Variants in ERI3 observed in about 807,000 individuals in gnomAD.
ERI3 encodes ERI1 exoribonuclease 3.
A neutral mutation model predicts 44.4 loss-of-function variants in ERI3; 18 were observed. That is an observed-to-expected ratio of 0.41 (90% CI 0.28 to 0.60). ERI3 has a LOEUF of 0.60. Ranked by LOEUF, ERI3 falls within the 20% of genes least tolerant of loss-of-function variation. ERI3 has a pLI of 0.36. For missense variants in ERI3, 294 were observed against 435.5 expected, an observed-to-expected ratio of 0.68 and a Z score of 2.89; for synonymous variants, 183 against 164.8, an observed-to-expected ratio of 1.11 and a Z score of -0.84.
chr1:44,275,758 C>T (rs1557810784), intron 7 of ERI3, among the ~76,000 whole-genome samples: 1 of 152,160 alleles, frequency 6.6e-6, no homozygotes, highest in African/African-American at 2.4e-5. Flanking sequence ...TGGCCCTTAT[C>T]CCTACAGCTG....
In ERI3 at chr1:44,339,339, TTA is replaced by T; in HGVS notation, c.212-19_212-18del. On this transcript the variant is annotated intron_variant, in intron 2 of 8. Transcript: ENST00000372257. The stretch of plus-strand genomic sequence containing the variant: ...CATCTAAAACTTAGGGGAGGAAAGT[TTA>T]AAAAAAAAAAAAAAAAAGAAAAGAA... 6.9e-6 allele frequency: 9 copies of T among 1,301,268 alleles called. No individual in the cohort carries two copies. The South Asian group carries it at 7.9e-5, about 11-fold the overall frequency. 80.6% of individuals were successfully genotyped at this position (1,301,268 alleles called of 1,614,324 possible).
chr1:44,351,017 A>G (rs1646879094), intron 2 of ERI3, among the ~76,000 whole-genome samples: 1 of 151,752 alleles, frequency 6.6e-6, no homozygotes, highest in African/African-American at 2.4e-5. Context: ...TCCATTTTTC[A>G]CAATGAAATC....
intron 6 of ERI3, among the ~76,000 whole-genome samples, chr1:44,305,701 C>T (rs1453750244): frequency 6.6e-6 from 1 of 152,104 alleles, no homozygotes; most frequent in East Asian, 1.9e-4. Flanking sequence ...TTTCTCAGTG[C>T]CCCACTTATC....
At position 44,355,241 on chromosome 1, in the gene ERI3, CCACAA is replaced by C. The variant is rs1299331628; in HGVS notation, c.-220_-216del. The C allele has an allele frequency of 8.5e-7, 1 of 1,176,762 alleles. No individual in the cohort carries two copies. Among genetic ancestry groups the C allele is most frequent in the East Asian group, 3.8e-5 (1 of 26,616 alleles). The allele number at this position is 1,176,762 out of a possible 1,614,324, so 72.9% of individuals were successfully genotyped here. A position where few individuals can be genotyped will look rare whatever the true frequency, so the allele number is the denominator to read the frequency against. Reference sequence around the variant, plus strand: ...AACAGCGGCAGCCAGCACCACGAGTCCACAACACACCGACTCACCTCCGCGCACTC... The same window carrying C: ...AACAGCGGCAGCCAGCACCACGAGTCCACACCGACTCACCTCCGCGCACTC... On this transcript the variant is annotated 5_prime_UTR_variant, in exon 1 of 9. Transcript: ENST00000372257.
rs1046902802 is a variant in ERI3 at position 44,355,140 on chromosome 1, G to C, written c.-114C>G. On this transcript the variant is annotated 5_prime_UTR_variant, in exon 1 of 9. Coordinates refer to ENST00000372257, the MANE Select transcript of ERI3 (RefSeq NM_024066.3). ...CAGTTGGCGGCGGCGGGCGCGGCCCGCGCCGACTGCGGCGCCGGCCAGGCA... is the reference window on the plus strand; with the variant it reads ...CAGTTGGCGGCGGCGGGCGCGGCCCCCGCCGACTGCGGCGCCGGCCAGGCA... 5.7e-6 allele frequency: 7 copies of C among 1,223,290 alleles called. No individual in the cohort carries two copies. The African/African-American group carries it at 1.1e-4, about 19-fold the overall frequency. 75.8% of individuals were successfully genotyped at this position (1,223,290 alleles called of 1,614,324 possible).
chr1:44,317,142 G>A (rs969707829), intron 4 of ERI3, among the ~76,000 whole-genome samples: 6 of 80,026 alleles, frequency 7.5e-5, no homozygotes, highest in Middle Eastern at 0.013. Flanking sequence ...ACGCATGTGC[G>A]TGCACACACA....
intron 6 of ERI3, among the ~76,000 whole-genome samples, chr1:44,296,188 C>T (rs1473833024): frequency 6.6e-6 from 1 of 152,184 alleles, no homozygotes; most frequent in Admixed American, 6.5e-5. Flanking sequence ...TTAGTGTGTG[C>T]CTCAGCAGAC....
intron 6 of ERI3, among the ~76,000 whole-genome samples, chr1:44,288,150 C>T (rs1400410032): frequency 6.6e-6 from 1 of 151,518 alleles, no homozygotes; most frequent in Admixed American, 6.6e-5. Context: ...TGAGGACAGA[C>T]CAGACAGTCA....
intron 2 of ERI3, among the ~76,000 whole-genome samples, chr1:44,352,324 C>T (rs939617687): frequency 1.3e-5 from 2 of 152,178 alleles, no homozygotes; most frequent in African/African-American, 4.8e-5. Flanking sequence ...GTGGCACATG[C>T]CTGTAGCTCC....
chr1:44,332,220 G>C (rs771267980), intron 3 of ERI3, among the ~76,000 whole-genome samples: 7 of 151,900 alleles, frequency 4.6e-5, no homozygotes, highest in Middle Eastern at 3.4e-3. Flanking sequence ...GTTATTTTAC[G>C]GTCCCTGATT....
At position 44,295,444 on chromosome 1, in the gene ERI3, A is replaced by C. The variant is rs569829179; in HGVS notation, c.759-10537T>G. On this transcript the variant is annotated intron_variant, in intron 6 of 8. Coordinates refer to ENST00000372257, the MANE Select transcript of ERI3 (RefSeq NM_024066.3). ...GTGTGCTGGTCTTTCTGTCCTGATC[A>C]CTTGGCAGTCCCCATAGTCCCCAGC... 6.6e-5 allele frequency among the ~76,000 whole-genome samples: 10 copies of C among 152,236 alleles called. No homozygotes were observed. In the South Asian group the frequency reaches 2.1e-3, roughly 32 times the overall value.
At chr1:44,315,203 C>T (rs981199034) in intron 4 of ERI3, among the ~76,000 whole-genome samples, 6 of 152,180 alleles carry the variant, frequency 3.9e-5, no homozygotes, top group Admixed American at 6.5e-5. Context: ...GAGTTTCAGG[C>T]GGCAAGGTTA....
chr1:44,339,108 C>T lies in ERI3; in HGVS notation c.426G>A (p.Arg142=). 1 of 1,613,954 alleles carries T rather than the reference C, an allele frequency of 6.2e-7. No homozygotes were observed. Among genetic ancestry groups the T allele is most frequent in the Non-Finnish European group, 8.5e-7 (1 of 1,179,970 alleles). Residue 142 remains arginine, a synonymous_variant, in exon 3 of 9, where the codon AGG becomes AGA. Transcript: ENST00000372257. The part of the protein sequence containing the change: ...MAAMVSFPPQ[R]YHYFLVLDFE... ...AGTCCAGCACTAAAAAGTAGTGATA[C>T]CTCTGGGGAGGGAAGGACACCATTG...
At chr1:44,286,507 G>A (rs745764398) in intron 6 of ERI3, among the ~76,000 whole-genome samples, 7 of 152,210 alleles carry the variant, frequency 4.6e-5, no homozygotes, top group Middle Eastern at 3.4e-3. Flanking sequence ...ATTAACCTAA[G>A]TAAAATTAAA....
intron 3 of ERI3, among the ~76,000 whole-genome samples, chr1:44,334,461 A>G (rs2154330726): frequency 1.3e-5 from 2 of 152,364 alleles, no homozygotes; most frequent in Middle Eastern, 6.8e-3. Flanking sequence ...CTCCTAAACC[A>G]GATAAAAAAC....
At chr1:44,314,229 G>T (rs575787542) in intron 4 of ERI3, among the ~76,000 whole-genome samples, 5 of 151,958 alleles carry the variant, frequency 3.3e-5, no homozygotes, top group African/African-American at 1.2e-4. Flanking sequence ...CACAGAAATT[G>T]CTGGCTCTAA....
chr1:44,270,180 AC>A (rs1645062461), intron 7 of ERI3, among the ~76,000 whole-genome samples: 1 of 151,926 alleles, frequency 6.6e-6, no homozygotes, highest in South Asian at 2.1e-4. Flanking sequence ...CACAAAAGAA[AC>A]CCTGGGACAA....
At chr1:44,278,662 T>C (rs1274502471) in intron 7 of ERI3, among the ~76,000 whole-genome samples, 1 of 152,190 alleles carries the variant, frequency 6.6e-6, no homozygotes, top group African/African-American at 2.4e-5. Flanking sequence ...TGTGGCACAA[T>C]CTCAGCTCAC....
chr1:44,254,280 C>A (rs1212058372), intron 7 of ERI3, among the ~76,000 whole-genome samples: 2 of 152,170 alleles, frequency 1.3e-5, no homozygotes, highest in African/African-American at 4.8e-5. Context: ...GCCTTGTTAT[C>A]ACCCAGAACT....
Sources: allele counts gnomAD v4.1 joint callset (sites outside exome capture counted in the v4.1 genomes callset), GRCh38; gene constraint gnomAD v4.1.1; transcripts MANE v1.5; gene names NCBI Gene and HGNC (gene_info 2026-07-23, HGNC 2026-07-21).